The following PDZRN4 variants were observed in gnomAD, a reference collection of about 807,000 sequenced individuals.
PDZRN4 encodes the protein PDZ domain-containing RING finger protein 4.
PDZRN4 carries 70 observed loss-of-function variants against 99.0 expected under a neutral mutation model. The observed-to-expected ratio is 0.71, with a 90% CI of 0.58 to 0.86. The LOEUF (loss-of-function observed/expected upper bound fraction) is 0.86, where lower values mean the gene tolerates loss of function less well. Among genes scored for constraint, PDZRN4 ranks in the 40% least tolerant of loss-of-function variants. The pLI, the probability that PDZRN4 is intolerant of heterozygous loss-of-function variation, is 0.00. For synonymous variants in PDZRN4, 551 were observed against 501.6 expected (o/e 1.10, Z -1.32); for missense variants, 1,474 against 1,331.2 (o/e 1.11, Z -1.67).
At chr12:41,197,541 A>G (rs1950781577) in intron 3 of PDZRN4, among the ~76,000 whole-genome samples, 1 of 152,196 alleles carries the variant, frequency 6.6e-6, no homozygotes, top group South Asian at 2.1e-4. Context: ...ATTTTAAAAA[A>G]TCAGTTGTGA....
intron 3 of PDZRN4, among the ~76,000 whole-genome samples, chr12:41,208,654 T>C (rs1374193500): frequency 6.6e-6 from 1 of 151,950 alleles, no homozygotes; most frequent in Non-Finnish European, 1.5e-5. Flanking sequence ...GAATATATTT[T>C]TTTTGTTTAA....
At chr12:41,394,165 G>A (rs1470064151) in intron 3 of PDZRN4, among the ~76,000 whole-genome samples, 3 of 152,090 alleles carry the variant, frequency 2.0e-5, no homozygotes, top group Admixed American at 2.0e-4. Flanking sequence ...TATGGTGAGA[G>A]GGCTCTCTGG....
intron 3 of PDZRN4, among the ~76,000 whole-genome samples, chr12:41,208,206 C>G (rs752404646): frequency 6.6e-6 from 1 of 151,778 alleles, no homozygotes; most frequent in Non-Finnish European, 1.5e-5. Context: ...AAATATCTGA[C>G]GTGACAAAAT....
At chr12:41,364,785 A>C (rs1282066641) in intron 3 of PDZRN4, among the ~76,000 whole-genome samples, 1 of 152,086 alleles carries the variant, frequency 6.6e-6, no homozygotes, top group African/African-American at 2.4e-5. Flanking sequence ...TAGTATGGGA[A>C]TCATAGGTAC....
At chr12:41,412,402 T>G (rs1016918379) in intron 3 of PDZRN4, 1 of 152,182 alleles carries the variant, frequency 6.6e-6, no homozygotes, top group Non-Finnish European at 1.5e-5. Context: ...TTTACTTACA[T>G]CTCATTGGTC....
intron 3 of PDZRN4, among the ~76,000 whole-genome samples, chr12:41,216,780 T>A (rs1251924754): frequency 6.6e-6 from 1 of 152,066 alleles, no homozygotes; most frequent in Non-Finnish European, 1.5e-5. Context: ...ATATCTGTCA[T>A]CCTTTCTTTT....
intron 3 of PDZRN4, among the ~76,000 whole-genome samples, chr12:41,215,031 A>T (rs559874079): frequency 6.6e-6 from 1 of 152,210 alleles, no homozygotes; most frequent in Non-Finnish European, 1.5e-5. Context: ...TGAGAGATGT[A>T]TATGTTTTTC....
intron 5 of PDZRN4, among the ~76,000 whole-genome samples, chr12:41,519,052 T>C (rs1317302008): frequency 6.6e-6 from 1 of 152,096 alleles, no homozygotes; most frequent in African/African-American, 2.4e-5. Flanking sequence ...TAGTATGTAA[T>C]GTATACCTAC....
intron 3 of PDZRN4, chr12:41,409,745 C>A (rs906026960): frequency 6.6e-6 from 1 of 152,146 alleles, no homozygotes; most frequent in African/African-American, 2.4e-5. Flanking sequence ...AAATTCACCT[C>A]ATCGCTTTGA....
intron 6 of PDZRN4, among the ~76,000 whole-genome samples, chr12:41,553,080 T>C (rs1310136896): frequency 6.6e-6 from 1 of 152,246 alleles, no homozygotes; most frequent in Non-Finnish European, 1.5e-5. Flanking sequence ...ACATCTGTCC[T>C]TCCATTCTAC....
chr12:41,571,374 T>TCACACACACACA (rs1254502549), intron 9 of PDZRN4, among the ~76,000 whole-genome samples: 74 of 60,766 alleles, frequency 1.2e-3, no homozygotes, highest in African/African-American at 5.0e-3. Flanking sequence ...TCTCTCTCTC[T>TCACACACACACA]CTCACACACA....
chr12:41,227,097 T>C (rs535876707), intron 3 of PDZRN4, among the ~76,000 whole-genome samples: 11 of 152,244 alleles, frequency 7.2e-5, no homozygotes, highest in Middle Eastern at 3.4e-3. Flanking sequence ...TTTAGAATAA[T>C]AGCCAGGAGT....
chr12:41,220,766 A>G (rs1950950127), intron 3 of PDZRN4, among the ~76,000 whole-genome samples: 1 of 152,206 alleles, frequency 6.6e-6, no homozygotes, highest in Non-Finnish European at 1.5e-5. Flanking sequence ...AATGTTAGGC[A>G]TAAGTCAAGA....
intron 3 of PDZRN4, among the ~76,000 whole-genome samples, chr12:41,307,829 A>G (rs1951582118): frequency 1.3e-5 from 2 of 152,144 alleles, no homozygotes; most frequent in African/African-American, 4.8e-5. Flanking sequence ...CCATTGGTAT[A>G]ATAGGTATGT....
At chr12:41,563,414 G>A in intron 7 of PDZRN4, 134 bp from the exon 8 acceptor site, 1 of 653,064 alleles carries the variant, frequency 1.5e-6, no homozygotes, top group Non-Finnish European at 2.7e-6. Flanking sequence ...ACTTTGAGCT[G>A]AGGGGCTGAA....
At chr12:41,553,272 G>T (rs900730653) in intron 6 of PDZRN4, among the ~76,000 whole-genome samples, 1 of 152,194 alleles carries the variant, frequency 6.6e-6, no homozygotes, top group Non-Finnish European at 1.5e-5. Context: ...TTAGGCAAAG[G>T]CCAAGAAGCA....
At chr12:41,260,982 T>C (rs187984315) in intron 3 of PDZRN4, among the ~76,000 whole-genome samples, 20 of 152,280 alleles carry the variant, frequency 1.3e-4, no homozygotes, top group Admixed American at 5.2e-4. Flanking sequence ...GATTTATCTC[T>C]CCCTTTTAAT....
intron 3 of PDZRN4, among the ~76,000 whole-genome samples, chr12:41,285,698 G>T (rs1321490199): frequency 1.3e-5 from 2 of 152,108 alleles, no homozygotes; most frequent in Non-Finnish European, 2.9e-5. Flanking sequence ...CATGTCCTTT[G>T]CAGGGACATG....
At chr12:41,337,817 C>G (rs961211406) in intron 3 of PDZRN4, among the ~76,000 whole-genome samples, 2 of 152,112 alleles carry the variant, frequency 1.3e-5, no homozygotes, top group Non-Finnish European at 2.9e-5. Context: ...CACCAATCCT[C>G]TTCTTAAACG....
Sources: allele counts gnomAD v4.1 joint callset (sites outside exome capture counted in the v4.1 genomes callset), GRCh38; gene constraint gnomAD v4.1.1; transcripts MANE v1.5; gene names NCBI Gene and HGNC (gene_info 2026-07-23, HGNC 2026-07-21).